SPATA16: variants seen among roughly 807,000 people sequenced by gnomAD.
The protein encoded by SPATA16 is spermatogenesis-associated protein 16.
In SPATA16, 36 loss-of-function variants were observed where a neutral mutation model predicts 63.3. The observed-to-expected ratio is 0.57, with a 90% CI of 0.44 to 0.75. SPATA16 has a LOEUF of 0.75. Ranked by LOEUF, SPATA16 falls within the 30% of genes least tolerant of loss-of-function variation. SPATA16 has a pLI of 0.00. For synonymous variants in SPATA16, 203 were observed against 216.7 expected (o/e 0.94, Z 0.56); for missense variants, 646 against 679.3 (o/e 0.95, Z 0.54).
rs919918216 is a variant in SPATA16, at chr3:172,907,255, T to G, written c.1587+6406A>C. On this transcript the variant is annotated intron_variant, in intron 10 of 10. Coordinates refer to ENST00000351008, the MANE Select transcript of SPATA16 (RefSeq NM_031955.6). Reference sequence around the variant, plus strand: ...CAGGGTTTTCCTGTTTTATTTTGTTTGTGTTTTCTTATACTAGTCTCCCTC... The same window carrying G: ...CAGGGTTTTCCTGTTTTATTTTGTTGGTGTTTTCTTATACTAGTCTCCCTC... 1.1e-3 allele frequency among the ~76,000 whole-genome samples: 160 copies of G among 152,180 alleles called. 3 individuals are homozygous for G. The highest frequency in any genetic ancestry group is 0.01 in the Admixed American group (160 of 15,274).
At chr3:172,942,542 G>A (rs975030330) in intron 6 of SPATA16, among the ~76,000 whole-genome samples, 2 of 152,054 alleles carry the variant, frequency 1.3e-5, no homozygotes, top group Non-Finnish European at 2.9e-5. Flanking sequence ...GAAACAAAAA[G>A]TGAAAACTGA....
At chr3:172,956,609 A>C (rs948168647) in intron 6 of SPATA16, 68 bp downstream of exon 6, 1 of 1,545,672 alleles carries the variant, frequency 6.5e-7, no homozygotes. Context: ...AATAAACCAG[A>C]AAGAACCCTG....
chr3:172,983,182 A>G (rs921004205), intron 4 of SPATA16, among the ~76,000 whole-genome samples: 1 of 152,196 alleles, frequency 6.6e-6, no homozygotes, highest in Non-Finnish European at 1.5e-5. Flanking sequence ...TGCTGGCTTT[A>G]GTTCTCTCTC....
At chr3:172,997,042 C>G (rs1204941792) in intron 4 of SPATA16, among the ~76,000 whole-genome samples, 1 of 152,108 alleles carries the variant, frequency 6.6e-6, no homozygotes, top group South Asian at 2.1e-4. Flanking sequence ...TACTGAAGAA[C>G]ATCTTGGTTG....
At chr3:172,993,411 C>T (rs994036752) in intron 4 of SPATA16, among the ~76,000 whole-genome samples, 5 of 151,854 alleles carry the variant, frequency 3.3e-5, no homozygotes, top group African/African-American at 9.7e-5. Flanking sequence ...ATCTTGTGGG[C>T]AAGTGGGTGG....
At chr3:172,924,370 A>G in intron 7 of SPATA16, 53 bp from the exon 8 acceptor site, 2 of 1,414,682 alleles carry the variant, frequency 1.4e-6, no homozygotes, top group Non-Finnish European at 2.0e-6. Flanking sequence ...CTTCCATTTC[A>G]AAATATTTTC....
rs553375536 is a variant in SPATA16 at position 172,913,634 on chromosome 3, TC to T, written c.1587+26del. 5.4e-5 allele frequency: 86 copies of T among 1,601,414 alleles called. No homozygotes were observed. The African/African-American group carries it at 1.0e-3, about 19-fold the overall frequency. ...GGACATTTTCTTTGAGAATAATAGATCTTTTTCCTTCAGCTCAAAGTTTTAC... is the reference window on the plus strand; with the variant it reads ...GGACATTTTCTTTGAGAATAATAGATTTTTTCCTTCAGCTCAAAGTTTTAC... On this transcript the variant is annotated intron_variant, in intron 10 of 10. Transcript: ENST00000351008.
In SPATA16 at chr3:173,117,556, G is replaced by A. The variant is rs1405410762; in HGVS notation, c.176C>T (p.Thr59Ile). Residue 59 changes from threonine to isoleucine, a missense_variant, in exon 2 of 11, where the codon ACA becomes ATA. Coordinates refer to ENST00000351008, the MANE Select transcript of SPATA16 (RefSeq NM_031955.6). The part of the protein sequence containing the change: ...KNCGGKQVEI[T>I]LERTKMTKGI... ...CTTTGTCATTTTTGTTCTTTCAAGT[G>A]TGATTTCTACCTGTTTACCTCCACA... The A allele has an allele frequency of 6.2e-7, 1 of 1,613,986 alleles. No homozygotes were observed. The highest frequency in any genetic ancestry group is 1.3e-5 in the African/African-American group (1 of 74,994).
intron 4 of SPATA16, among the ~76,000 whole-genome samples, chr3:172,993,559 T>C (rs926197550): frequency 1.3e-5 from 2 of 152,134 alleles, no homozygotes; most frequent in Non-Finnish European, 2.9e-5. Context: ...TCTGCATTAC[T>C]TTGCTGAAGT....
chr3:173,023,011 A>G (rs536848), intron 3 of SPATA16, among the ~76,000 whole-genome samples: 41,343 of 151,858 alleles, frequency 0.27, 9,067 homozygotes, highest in African/African-American at 0.61. Flanking sequence ...TATTATAGTA[A>G]ATGAAAGTTT....
At chr3:172,989,075 T>C in intron 4 of SPATA16, among the ~76,000 whole-genome samples, 1 of 152,226 alleles carries the variant, frequency 6.6e-6, no homozygotes, top group East Asian at 1.9e-4. Context: ...AGTCCATATC[T>C]CTGCTCTGGA....
intron 4 of SPATA16, among the ~76,000 whole-genome samples, chr3:172,998,801 A>T (rs1734750973): frequency 6.6e-6 from 1 of 152,232 alleles, no homozygotes; most frequent in Middle Eastern, 3.4e-3. Context: ...TGTTGCTATG[A>T]TTATGCGATT....
In SPATA16 at chr3:172,914,319, C is replaced by T. The variant is rs574245828; in HGVS notation, c.1504-575G>A. On this transcript the variant is annotated intron_variant, in intron 9 of 10. Transcript: ENST00000351008. ...CATTCTAACCTTTGCCCCAAACAGG[C>T]ACCTGCTGTACTCTAATGTGAAAGT... Among the ~76,000 whole-genome samples the T allele has an allele frequency of 2.6e-4, 39 of 152,272 alleles. No homozygotes were observed. The South Asian group carries it at 4.3e-3, about 17-fold the overall frequency.
At chr3:173,127,128 T>C (rs568271462) in intron 1 of SPATA16, among the ~76,000 whole-genome samples, 33 of 152,222 alleles carry the variant, frequency 2.2e-4, no homozygotes, top group Non-Finnish European at 3.1e-4. Context: ...GCTTTACCAA[T>C]TTTAAACCTC....
chr3:173,122,466 C>T (rs1353869275), intron 1 of SPATA16, among the ~76,000 whole-genome samples: 1 of 151,900 alleles, frequency 6.6e-6, no homozygotes, highest in Non-Finnish European at 1.5e-5. Flanking sequence ...TAAAAATGTG[C>T]TCTCTGAAAC....
intron 5 of SPATA16, among the ~76,000 whole-genome samples, chr3:172,966,350 G>T (rs570290932): frequency 6.6e-6 from 1 of 152,272 alleles, no homozygotes; most frequent in African/African-American, 2.4e-5. Flanking sequence ...GTGAAGGCTT[G>T]CCAGCTAAAT....
chr3:172,975,919 TGGGG>T (rs1164963795), intron 5 of SPATA16, among the ~76,000 whole-genome samples: 1 of 151,558 alleles, frequency 6.6e-6, no homozygotes, highest in African/African-American at 2.4e-5. Flanking sequence ...AGTGAAAATG[TGGGG>T]GGAAAAAAAA....
chr3:172,934,863 A>C (rs1732945237), intron 6 of SPATA16, among the ~76,000 whole-genome samples: 1 of 152,168 alleles, frequency 6.6e-6, no homozygotes. Context: ...TCCACTCTTT[A>C]CTATTAGTAG....
intron 2 of SPATA16, among the ~76,000 whole-genome samples, chr3:173,068,176 G>A (rs898644991): frequency 6.6e-6 from 1 of 152,122 alleles, no homozygotes; most frequent in Non-Finnish European, 1.5e-5. Context: ...GTAATAGTAA[G>A]TATACAAACA....
Sources: allele counts gnomAD v4.1 joint callset (sites outside exome capture counted in the v4.1 genomes callset), GRCh38; gene constraint gnomAD v4.1.1; transcripts MANE v1.5; gene names NCBI Gene and HGNC (gene_info 2026-07-23, HGNC 2026-07-21).